Variants in ERAP1 observed in about 807,000 individuals in gnomAD.
ERAP1 encodes the protein adipocyte-derived leucine aminopeptidase.
Under a neutral mutation model 103.7 loss-of-function variants are expected in ERAP1, and 86 were observed. That is an observed-to-expected ratio of 0.83 (90% confidence interval 0.70 to 0.99). ERAP1 has a LOEUF of 0.99. ERAP1 is among the 50% of genes least tolerant of loss of function. The pLI is 0.00. For missense variants in ERAP1, 1,009 were observed against 1,128.4 expected, an observed-to-expected ratio of 0.89 and a Z score of 1.52; for synonymous variants, 398 against 402.4, an observed-to-expected ratio of 0.99 and a Z score of 0.13.
chr5:96,843,908 C>T, the ERAP1 span, among the ~76,000 whole-genome samples: 2 of 152,188 alleles, frequency 1.3e-5, no homozygotes, highest in African/African-American at 4.8e-5. Flanking sequence ...TTGAATCTAC[C>T]TATGACCTAT....
the ERAP1 span, among the ~76,000 whole-genome samples, chr5:96,927,880 A>G: frequency 6.6e-6 from 1 of 151,960 alleles, no homozygotes; most frequent in Admixed American, 6.6e-5. Context: ...ATTTTCTCCT[A>G]TTCTGTGAAC....
chr5:96,855,567 A>T, the ERAP1 span, among the ~76,000 whole-genome samples: 1 of 152,228 alleles, frequency 6.6e-6, no homozygotes, highest in African/African-American at 2.4e-5. Flanking sequence ...TTTTACAGTG[A>T]AGACTGTCTG....
the ERAP1 span, among the ~76,000 whole-genome samples, chr5:96,852,655 T>C: frequency 2.0e-5 from 3 of 152,320 alleles, no homozygotes; most frequent in South Asian, 2.1e-4. Context: ...AGATTTTAGA[T>C]GCGAAGTCCT....
intron 5 of ERAP1, among the ~76,000 whole-genome samples, chr5:96,794,223 C>T (rs1777082608): frequency 7.9e-6 from 1 of 126,880 alleles, no homozygotes; most frequent in Non-Finnish European, 1.6e-5. Context: ...CACTCTGTCA[C>T]CCATACTGGA....
Position 96,774,998 on chromosome 5 carries a change from T to G in ERAP1, c.*1398A>C. 4 of 985,584 alleles carry G rather than the reference T, an allele frequency of 4.1e-6. No homozygotes were observed. Among genetic ancestry groups the G allele is most frequent in the Non-Finnish European group, 4.8e-6 (4 of 829,932 alleles). 61.1% of individuals were successfully genotyped at this position (985,584 alleles called of 1,614,324 possible). The stretch of plus-strand genomic sequence containing the variant: ...TCAGTTTGAATTCTCCTTTGCCAGG[T>G]GTGAGGATTTCCGCACCTTAGAGTC... On this transcript the variant is annotated 3_prime_UTR_variant, in exon 19 of 19. Transcript: ENST00000443439.
chr5:96,830,156 C>A, the ERAP1 span, among the ~76,000 whole-genome samples: 1 of 152,130 alleles, frequency 6.6e-6, no homozygotes, highest in Non-Finnish European at 1.5e-5. Context: ...GACTGCATCC[C>A]AGCTGTAAGG....
At chr5:96,819,782 A>G in the ERAP1 span, among the ~76,000 whole-genome samples, 1 of 152,246 alleles carries the variant, frequency 6.6e-6, no homozygotes, top group Non-Finnish European at 1.5e-5. Context: ...AGCACCCTGC[A>G]TATTCAGCAC....
the ERAP1 span, among the ~76,000 whole-genome samples, chr5:96,819,232 A>AT: frequency 6.6e-6 from 1 of 152,124 alleles, no homozygotes; most frequent in African/African-American, 2.4e-5. Flanking sequence ...CTTGAACTGC[A>AT]TTTTCTAACC....
Position 96,774,714 on chromosome 5 carries a change from A to AAAT in ERAP1, c.*1679_*1681dup, listed in dbSNP as rs1326453515. The AAAT allele has an allele frequency of 4.0e-5, 39 of 982,974 alleles. No individual in the cohort carries two copies. Among genetic ancestry groups the AAAT allele is most frequent in the Non-Finnish European group, 4.1e-5 (34 of 827,716 alleles). 60.9% of individuals were successfully genotyped at this position (982,974 alleles called of 1,614,324 possible). A position where few individuals can be genotyped will look rare whatever the true frequency, so the allele number is the denominator to read the frequency against. On this transcript the variant is annotated 3_prime_UTR_variant, in exon 19 of 19. Coordinates refer to ENST00000443439, the MANE Select transcript of ERAP1 (RefSeq NM_001040458.3). ...GTTGTGTATTTTTTTAAAAGAAGGG[A>AAAT]AATAGTTTAGTTTGGGGTGGAAATT... is the stretch of plus-strand genomic sequence containing the variant.
chr5:96,915,420 A>G, the ERAP1 span, among the ~76,000 whole-genome samples: 1 of 152,200 alleles, frequency 6.6e-6, no homozygotes, highest in Non-Finnish European at 1.5e-5. Context: ...TTAAACAGAA[A>G]CATAAAATTA....
the ERAP1 span, among the ~76,000 whole-genome samples, chr5:96,914,148 T>TCTCTCTCACACACACACACACA: frequency 1.2e-4 from 18 of 147,982 alleles, no homozygotes; most frequent in African/African-American, 4.2e-4. Context: ...TCTCTCTCTC[T>TCTCTCTCACACACACACACACA]CACACACACA....
the ERAP1 span, among the ~76,000 whole-genome samples, chr5:96,894,535 A>G: frequency 1.5e-4 from 23 of 152,356 alleles, no homozygotes; most frequent in African/African-American, 4.6e-4. Context: ...TATAGACTAA[A>G]TAAATAAAAC....
At chr5:96,935,523 C>T in the ERAP1 span, 1 of 152,938 alleles carries the variant, frequency 6.5e-6, no homozygotes, top group Non-Finnish European at 1.5e-5. Flanking sequence ...GACCTTCGCC[C>T]GCAGGTTCCT....
chr5:96,776,613 A>AGTT, intron 18 of ERAP1, 62 bp from the exon 19 acceptor site: 6 of 1,584,816 alleles, frequency 3.8e-6, no homozygotes, highest in Non-Finnish European at 2.6e-6. Flanking sequence ...ATGTAACTTT[A>AGTT]GTTAAAACTG....
At chr5:96,929,735 A>G in the ERAP1 span, among the ~76,000 whole-genome samples, 1 of 152,086 alleles carries the variant, frequency 6.6e-6, no homozygotes, top group Non-Finnish European at 1.5e-5. Flanking sequence ...ATCTCTTCAA[A>G]TATTTTACAG....
chr5:96,831,407 A>T, the ERAP1 span, among the ~76,000 whole-genome samples: 1 of 152,188 alleles, frequency 6.6e-6, no homozygotes, highest in Non-Finnish European at 1.5e-5. Flanking sequence ...TGCACATCCA[A>T]ATCATATCAC....
At chr5:96,808,222 G>GTGTGTGTGTGTTGAGA (rs1778903555), upstream of ERAP1, 1 of 560,694 alleles carries the variant, frequency 1.8e-6, no homozygotes, top group African/African-American at 2.2e-5. Flanking sequence ...GTGTGTGTGT[G>GTGTGTGTGTGTTGAGA]TGTGTGTGTG....
chr5:96,854,638 A>G, the ERAP1 span, among the ~76,000 whole-genome samples: 4 of 152,214 alleles, frequency 2.6e-5, no homozygotes, highest in Admixed American at 2.0e-4. Context: ...TTTAAATCCA[A>G]TACAGGTTTG....
rs1212890114 is a variant in ERAP1, at chr5:96,785,937, G to C, written c.1794C>G (p.Ile598Met). 6.2e-7 allele frequency: 1 copy of C among 1,614,092 alleles called. No individual in the cohort carries two copies. Among genetic ancestry groups the C allele is most frequent in the Admixed American group, 1.7e-5 (1 of 60,014 alleles). Residue 598 changes from isoleucine to methionine, a missense_variant, in exon 13 of 19, where the codon ATC becomes ATG. By Grantham distance (10) the Ile-to-Met change is conservative (BLOSUM62 1). Around this residue, in one of 3 missense-constraint regions of ERAP1, gnomAD observed 611 missense variants for 651.7 expected, o/e 0.94. Coordinates refer to ENST00000443439, the MANE Select transcript of ERAP1 (RefSeq NM_001040458.3). ...VLILPEEVEW[I>M]KFNVGMNGYY... ...AGCCATTCATGCCCACATTAAATTT[G>C]ATCCATTCCACCTCTTCTGGGAGGA...
Sources: gnomAD v4.1 joint callset for allele counts (sites outside exome capture counted in the v4.1 genomes callset) on GRCh38, gnomAD v4.1.1 for gene constraint, gnomAD v4.1.1 regional missense constraint, MANE v1.5 for transcripts, NCBI Gene and HGNC (gene_info 2026-07-23, HGNC 2026-07-21) for gene names.